Variants in FAM110A observed in about 807,000 individuals in gnomAD.
FAM110A encodes family with sequence similarity 110 member A.
FAM110A carries 1 observed loss-of-function variant against 4.0 expected under a neutral mutation model. The observed-to-expected ratio is 0.25, with a 90% CI of 0.09 to 1.20. The LOEUF is 1.20. Ranked by LOEUF, FAM110A falls within the 50% of genes most tolerant of loss-of-function variation. The pLI, the probability that FAM110A is intolerant of heterozygous loss-of-function variation, is 0.50. For synonymous variants in FAM110A, 217 were observed against 196.8 expected, an observed-to-expected ratio of 1.10 and a Z score of -0.86; for missense variants, 436 against 429.2, an observed-to-expected ratio of 1.02 and a Z score of -0.14.
At position 845,155 on chromosome 20, in the gene FAM110A, C is replaced by A; in HGVS notation, c.351C>A (p.Pro117=). 1.3e-6 allele frequency: 2 copies of A among 1,575,694 alleles called. No individual in the cohort carries two copies. The highest frequency in any genetic ancestry group is 2.3e-5 in the East Asian group (1 of 43,164). ...LSSLIDLCDS[P]VSPAEASRTP... ...GCCTCATCGACTTGTGTGACAGCCC[C>A]GTGTCCCCTGCCGAGGCCAGCCGCA... The change falls in exon 2 of 2, where the codon CCC becomes CCA. Residue 117 remains proline, a synonymous_variant. Coordinates refer to ENST00000381941, the MANE Select transcript of FAM110A (RefSeq NM_001042353.3).
chr20:842,067 G>C (rs560855173), intron 1 of FAM110A, among the ~76,000 whole-genome samples: 1 of 152,372 alleles, frequency 6.6e-6, no homozygotes, highest in Non-Finnish European at 1.5e-5. Flanking sequence ...CCCTCGACCT[G>C]TTTGATCTCT....
rs1171185080 is a variant in FAM110A, at chr20:833,933, C to A, written c.-116C>A. 1 of 152,268 alleles carries A rather than the reference C, an allele frequency of 6.6e-6. No homozygotes were observed. The highest frequency in any genetic ancestry group is 2.4e-5 in the African/African-American group (1 of 41,446). The allele number at this position is 152,268 out of a possible 1,614,324, so 9.4% of individuals were successfully genotyped here. A position where few individuals can be genotyped will look rare whatever the true frequency, so the allele number is the denominator to read the frequency against. On this transcript the variant is annotated 5_prime_UTR_variant, in exon 1 of 2. Coordinates refer to ENST00000381941, the MANE Select transcript of FAM110A (RefSeq NM_001042353.3). This position sits in a 1 kb window ranked among gnomAD's most constrained non-coding sequence, Gnocchi z 4.1. ...AGCCTGCGCGAGAGGAGCCGGGACA[C>A]GCCTAGCGCGGGCTCCAGGTGAGGG... is the stretch of plus-strand genomic sequence containing the variant.
At chr20:835,200 C>CTCTCTCTCTCTA (rs757995617) in intron 1 of FAM110A, among the ~76,000 whole-genome samples, 2 of 140,492 alleles carry the variant, frequency 1.4e-5, no homozygotes, top group African/African-American at 2.7e-5. Context: ...CTCTCTCTCT[C>CTCTCTCTCTCTA]TATATATATA....
intron 1 of FAM110A, among the ~76,000 whole-genome samples, chr20:842,387 G>T (rs1044352082): frequency 5.3e-5 from 8 of 152,228 alleles, no homozygotes; most frequent in African/African-American, 1.9e-4. Context: ...TTATCCGGAT[G>T]GTGCCCGCAA....
At chr20:836,390 T>C (rs1423018688) in intron 1 of FAM110A, among the ~76,000 whole-genome samples, 2 of 152,202 alleles carry the variant, frequency 1.3e-5, no homozygotes, top group Non-Finnish European at 2.9e-5. Flanking sequence ...GCAATCACCA[T>C]TCTACTTTCT....
chr20:839,762 G>T lies in FAM110A; in HGVS notation c.-97-4946G>T, dbSNP rs1600007354. 9 of 1,438,416 alleles carry T rather than the reference G, an allele frequency of 6.3e-6. No homozygotes were observed. The East Asian group carries it at 2.0e-4, about 33-fold the overall frequency. The allele number at this position is 1,438,416 out of a possible 1,614,324, so 89.1% of individuals were successfully genotyped here. On this transcript the variant is annotated intron_variant, in intron 1 of 1. Coordinates refer to ENST00000381941, the MANE Select transcript of FAM110A (RefSeq NM_001042353.3). ...CACGGAGATACTGGCTACCCTCATTGGTAAGGTACCAGTAGAAATGTCTCC... is the reference window on the plus strand; with the variant it reads ...CACGGAGATACTGGCTACCCTCATTTGTAAGGTACCAGTAGAAATGTCTCC...
At chr20:837,718 C>T (rs1979656187) in intron 1 of FAM110A, among the ~76,000 whole-genome samples, 1 of 152,118 alleles carries the variant, frequency 6.6e-6, no homozygotes, top group East Asian at 1.9e-4. Context: ...CCACTGCAGG[C>T]AGCAGAACCA....
At position 845,306 on chromosome 20, in the gene FAM110A, C is replaced by G; in HGVS notation, c.502C>G (p.Pro168Ala). 2 of 1,543,180 alleles carry G rather than the reference C, an allele frequency of 1.3e-6. No homozygotes were observed. Among genetic ancestry groups the G allele is most frequent in the Non-Finnish European group, 1.7e-6 (2 of 1,144,558 alleles). ...GCCCGCCTCGCCTGCCCGGCCCTGC[C>G]CATCACCCGGCCCTGCCGCCGCCTC... ...PLPASPARPC[P>A]SPGPAAASSP... is the part of the protein sequence containing the mutation. The change falls in exon 2 of 2, where the codon CCA becomes GCA. Residue 168 changes from proline (P) to alanine (A), a missense_variant. Coordinates refer to ENST00000381941, the MANE Select transcript of FAM110A (RefSeq NM_001042353.3).
At chr20:837,604 A>T (rs969564750) in intron 1 of FAM110A, among the ~76,000 whole-genome samples, 1 of 152,192 alleles carries the variant, frequency 6.6e-6, no homozygotes, top group African/African-American at 2.4e-5. Flanking sequence ...TGAGTATTTT[A>T]TCCAAGGTCT....
rs1319880890 is a variant in FAM110A at position 844,869 on chromosome 20, C to G, written c.65C>G (p.Thr22Ser). 1 of 1,545,600 alleles carries G rather than the reference C, an allele frequency of 6.5e-7. No individual in the cohort carries two copies. Among genetic ancestry groups the G allele is most frequent in the Non-Finnish European group, 8.7e-7 (1 of 1,145,310 alleles). ...CCCGCCCTACCTTGCCGCCTGCGGA[C>G]CAGGGTCCCTGGCTACCTGCTACGG... The part of the protein sequence containing the change: ...SAPALPCRLR[T>S]RVPGYLLRGP... The change falls in exon 2 of 2, where the codon ACC becomes AGC. Residue 22 changes from threonine (T) to serine (S), a missense_variant. By Grantham distance (58) the Thr-to-Ser change is moderately conservative. Coordinates refer to ENST00000381941, the MANE Select transcript of FAM110A (RefSeq NM_001042353.3).
rs1381659464 is a variant in FAM110A, at chr20:840,492, G to A, written c.-97-4216G>A. 7.9e-5 allele frequency among the ~76,000 whole-genome samples: 12 copies of A among 152,358 alleles called. No individual in the cohort carries two copies. The highest frequency in any genetic ancestry group is 1.5e-4 in the Non-Finnish European group (10 of 68,034). On this transcript the variant is annotated intron_variant, in intron 1 of 1. Transcript: ENST00000381941. The surrounding 1 kb of genome is among the most constrained non-coding windows in gnomAD (Gnocchi z 4.4). Reference sequence around the variant, plus strand: ...CACCTCCCTCTGGGAATTCCTTCCTGCAGGGCTGCAGTCTCATGGGATTAA... The same window carrying A: ...CACCTCCCTCTGGGAATTCCTTCCTACAGGGCTGCAGTCTCATGGGATTAA...
chr20:839,434 A>T lies in FAM110A; in HGVS notation c.-97-5274A>T, dbSNP rs912930730. ...CTGTAAGTTTATTCAATGTGAAATA[A>T]TCCTCTCCAATTTTATTGAGGTGGC... On this transcript the variant is annotated intron_variant, in intron 1 of 1. Coordinates refer to ENST00000381941, the MANE Select transcript of FAM110A (RefSeq NM_001042353.3). 3 of 700,032 alleles carry T rather than the reference A, an allele frequency of 4.3e-6. No homozygotes were observed. In the East Asian group the frequency reaches 8.7e-5, roughly 20 times the overall value. The allele number at this position is 700,032 out of a possible 1,614,324, so 43.4% of individuals were successfully genotyped here. A position where few individuals can be genotyped will look rare whatever the true frequency, so the allele number is the denominator to read the frequency against.
Position 845,405 on chromosome 20 carries a change from G to A in FAM110A, c.601G>A (p.Asp201Asn), listed in dbSNP as rs1476372391. 6.2e-7 allele frequency: 1 copy of A among 1,613,618 alleles called. No individual in the cohort carries two copies. Among genetic ancestry groups the A allele is most frequent in the African/African-American group, 1.3e-5 (1 of 74,930 alleles). Residue 201 changes from aspartate (D) to asparagine (N), a missense_variant, in exon 2 of 2, where the codon GAT becomes AAT. Physicochemically the swap from Asp to Asn is conservative, Grantham distance 23. Coordinates refer to ENST00000381941, the MANE Select transcript of FAM110A (RefSeq NM_001042353.3). The part of the protein sequence containing the change: ...LSERFSRAAA[D>N]LERFFNFCGL... The stretch of plus-strand genomic sequence containing the variant: ...CGAGCGCTTTTCTAGGGCAGCCGCT[G>A]ATCTCGAGCGCTTTTTTAACTTCTG...
intron 1 of FAM110A, among the ~76,000 whole-genome samples, chr20:841,601 C>G (rs1181036396): frequency 6.6e-6 from 1 of 151,906 alleles, no homozygotes; most frequent in Non-Finnish European, 1.5e-5. Context: ...TGAGTTCCCC[C>G]CAGCCCTGCC....
intron 1 of FAM110A, among the ~76,000 whole-genome samples, chr20:843,870 C>T (rs1238156354): frequency 1.3e-5 from 2 of 152,228 alleles, no homozygotes; most frequent in African/African-American, 4.8e-5. Context: ...CCGGATGCCT[C>T]CATGCAGGGC....
At chr20:839,270 C>T (rs1434456088) in intron 1 of FAM110A, among the ~76,000 whole-genome samples, 1 of 152,150 alleles carries the variant, frequency 6.6e-6, no homozygotes, top group Non-Finnish European at 1.5e-5. Flanking sequence ...CCTCAGTTTT[C>T]TCATCTGAAA....
chr20:845,931 G>C lies in FAM110A; in HGVS notation c.*239G>C. The C allele has an allele frequency of 1.3e-6, 1 of 765,184 alleles. No homozygotes were observed. The highest frequency in any genetic ancestry group is 2.1e-6 in the Non-Finnish European group (1 of 487,120). The allele number at this position is 765,184 out of a possible 1,614,324, so 47.4% of individuals were successfully genotyped here. ...CCCCTCCTCCCCTCCCCCAATACAA[G>C]GTTTTTGACATGAGTGTACTCCTGC... is the stretch of plus-strand genomic sequence containing the variant. On this transcript the variant is annotated 3_prime_UTR_variant, in exon 2 of 2. Transcript: ENST00000381941.
chr20:837,525 C>T (rs1979645957), intron 1 of FAM110A, among the ~76,000 whole-genome samples: 1 of 152,188 alleles, frequency 6.6e-6, no homozygotes, highest in African/African-American at 2.4e-5. Context: ...ATGCATGGAC[C>T]TCATGCAGAG....
chr20:835,196 C>A (rs199572843), intron 1 of FAM110A, among the ~76,000 whole-genome samples: 25,525 of 125,076 alleles, frequency 0.2, 2,912 homozygotes, highest in African/African-American at 0.35. Flanking sequence ...CTCTCTCTCT[C>A]TCTCTATATA....
Sources: allele counts gnomAD v4.1 joint callset (sites outside exome capture counted in the v4.1 genomes callset), GRCh38; gene constraint gnomAD v4.1.1; non-coding constraint Gnocchi (gnomAD v3.1); transcripts MANE v1.5; gene names NCBI Gene and HGNC (gene_info 2026-07-23, HGNC 2026-07-21).